Variants in MPRIP observed in about 807,000 individuals in gnomAD.
MPRIP encodes myosin phosphatase Rho interacting protein, also known as myosin phosphatase Rho-interacting protein.
In MPRIP, 59 loss-of-function variants were observed where a neutral mutation model predicts 234.9. The observed-to-expected ratio is 0.25, with a 90% CI of 0.20 to 0.31. MPRIP has a LOEUF of 0.31. Among genes scored for constraint, MPRIP ranks in the 10% least tolerant of loss-of-function variants. The pLI, the probability that MPRIP is intolerant of heterozygous loss-of-function variation, is 1.00. For synonymous variants in MPRIP, 1,144 were observed against 1,263.9 expected, an observed-to-expected ratio of 0.91 and a Z score of 2.01; for missense variants, 2,436 against 3,071.0, an observed-to-expected ratio of 0.79 and a Z score of 4.89.
rs1395508796 is a variant in MPRIP at position 17,043,214 on chromosome 17, G to T, written c.123+243G>T. On this transcript the variant is annotated intron_variant, in intron 1 of 23. Transcript: ENST00000651222. ...CGGCTGTGTGATTCATGCTTTTTGG[G>T]TGACTCAAAAGTGCCTGGTTTCGCT... is the stretch of plus-strand genomic sequence containing the variant. Among the ~76,000 whole-genome samples, 3 of 152,160 alleles carry T rather than the reference G, an allele frequency of 2.0e-5. No homozygotes were observed. The East Asian group carries it at 5.8e-4, about 29-fold the overall frequency.
At position 17,158,970 on chromosome 17, in the gene MPRIP, A is replaced by C; in HGVS notation, c.2368A>C (p.Thr790Pro). ...TGAAGATGGGGGTGACCGGCTCTCCACACACGAGCTGACCTCTCTGCTCGA... is the reference window on the plus strand; with the variant it reads ...TGAAGATGGGGGTGACCGGCTCTCCCCACACGAGCTGACCTCTCTGCTCGA... Reference protein sequence around the residue: ...SSEDGGDRLSTHELTSLLEKE... With the variant: ...SSEDGGDRLSPHELTSLLEKE... The change falls in exon 14 of 24, where the codon ACA (threonine) becomes CCA (proline). Residue 790 changes from threonine to proline, a missense_variant. Transcript: ENST00000651222. 6.2e-7 allele frequency: 1 copy of C among 1,612,784 alleles called. No individual in the cohort carries two copies.
At chr17:17,126,994 A>G in intron 4 of MPRIP, 141 bp downstream of exon 4, 3 of 1,073,352 alleles carry the variant, frequency 2.8e-6, no homozygotes, top group Non-Finnish European at 4.0e-6. Context: ...TCTGTTCTCA[A>G]CACCGCTGTG....
At chr17:17,172,422 AT>A (rs2046159149) in intron 17 of MPRIP, among the ~76,000 whole-genome samples, 1 of 152,216 alleles carries the variant, frequency 6.6e-6, no homozygotes. Flanking sequence ...TAACAATGAC[AT>A]TTATTTAATC....
At chr17:17,132,164 G>T (rs2090610166) in intron 5 of MPRIP, among the ~76,000 whole-genome samples, 1 of 152,156 alleles carries the variant, frequency 6.6e-6, no homozygotes, top group Non-Finnish European at 1.5e-5. Context: ...ACCTGAGCAG[G>T]GCGTGGCTGA....
intron 5 of MPRIP, among the ~76,000 whole-genome samples, chr17:17,135,911 G>A (rs1449697751): frequency 1.3e-5 from 2 of 152,234 alleles, no homozygotes; most frequent in Non-Finnish European, 2.9e-5. Context: ...GCCCAGACTT[G>A]GGCGCTGTGA....
At chr17:17,108,350 C>T (rs1236479875) in intron 3 of MPRIP, among the ~76,000 whole-genome samples, 1 of 152,218 alleles carries the variant, frequency 6.6e-6, no homozygotes, top group Non-Finnish European at 1.5e-5. Flanking sequence ...CAGCCTGGGA[C>T]AGACAGCCAT....
Position 17,165,970 on chromosome 17 carries a change from G to A in MPRIP, c.4379G>A (p.Gly1460Glu). ...ERQERARRVE[G>E]HVGELGDFQV... The stretch of plus-strand genomic sequence containing the variant: ...CAGGAGAGGGCCAGGAGGGTTGAAG[G>A]GCATGTTGGAGAGCTTGGGGACTTC... Residue 1460 changes from glycine (G) to glutamate (E), a missense_variant, in exon 16 of 24, where the codon GGG becomes GAG. Physicochemically the swap from Gly to Glu is moderately conservative, Grantham distance 98 (BLOSUM62 -2). Coordinates refer to ENST00000651222, the MANE Select transcript of MPRIP (RefSeq NM_001364716.4). 1 of 1,304,334 alleles carries A rather than the reference G, an allele frequency of 7.7e-7. No individual in the cohort carries two copies. Among genetic ancestry groups the A allele is most frequent in the African/African-American group, 1.5e-5 (1 of 65,996 alleles). The allele number at this position is 1,304,334 out of a possible 1,614,324, so 80.8% of individuals were successfully genotyped here. A position where few individuals can be genotyped will look rare whatever the true frequency, so the allele number is the denominator to read the frequency against.
chr17:17,102,731 C>T (rs890971939), intron 3 of MPRIP, among the ~76,000 whole-genome samples: 3 of 152,196 alleles, frequency 2.0e-5, no homozygotes, highest in Admixed American at 2.0e-4. Flanking sequence ...GGCAGCACAC[C>T]CACCCTCCCT....
chr17:17,191,372 CTG>C lies in MPRIP; in HGVS notation c.*6481_*6482del, dbSNP rs2046583009. ...TCAAGACCACTCACTGGGCAGGGCT[CTG>C]TGGAGCACTGGAGCTGTTTGGATTC... On this transcript the variant is annotated 3_prime_UTR_variant, in exon 24 of 24. Coordinates refer to ENST00000651222, the MANE Select transcript of MPRIP (RefSeq NM_001364716.4). 6.6e-6 allele frequency: 1 copy of C among 152,266 alleles called. No individual in the cohort carries two copies. Among genetic ancestry groups the C allele is most frequent in the Non-Finnish European group, 1.5e-5 (1 of 68,056 alleles). 9.4% of individuals were successfully genotyped at this position (152,266 alleles called of 1,614,324 possible).
In MPRIP at chr17:17,078,202, G is replaced by A. The variant is rs1248693205; in HGVS notation, c.267+126G>A. On this transcript the variant is annotated intron_variant, in intron 3 of 23. Coordinates refer to ENST00000651222, the MANE Select transcript of MPRIP (RefSeq NM_001364716.4). This position sits in a 1 kb window ranked among gnomAD's most constrained non-coding sequence, Gnocchi z 4.3. ...CCTGCTTGTGTCTGTTTGGGAGTGT[G>A]GAATGTTTTGAAGAACTTGTGGCAC... 3.7e-5 allele frequency: 38 copies of A among 1,031,066 alleles called. No individual in the cohort carries two copies. The East Asian group carries it at 8.1e-4, about 22-fold the overall frequency. The allele number at this position is 1,031,066 out of a possible 1,614,324, so 63.9% of individuals were successfully genotyped here.
chr17:17,147,969 C>G (rs2045515100), intron 11 of MPRIP, among the ~76,000 whole-genome samples: 1 of 152,164 alleles, frequency 6.6e-6, no homozygotes, highest in African/African-American at 2.4e-5. Flanking sequence ...TTGCCTTTTC[C>G]CCAGTAGTTT....
At chr17:17,117,044 G>A (rs1279767863) in intron 3 of MPRIP, among the ~76,000 whole-genome samples, 1 of 152,082 alleles carries the variant, frequency 6.6e-6, no homozygotes, top group Non-Finnish European at 1.5e-5. Context: ...GAAGACGGTG[G>A]CCCATGATGC....
intron 3 of MPRIP, among the ~76,000 whole-genome samples, chr17:17,088,435 C>G (rs1188828137): frequency 6.6e-6 from 1 of 152,166 alleles, no homozygotes; most frequent in African/African-American, 2.4e-5. Flanking sequence ...GGTTAGGAAA[C>G]TAATTAAGTA....
intron 1 of MPRIP, among the ~76,000 whole-genome samples, chr17:17,050,977 CAGA>C (rs1293185592): frequency 6.6e-6 from 1 of 152,268 alleles, no homozygotes; most frequent in Non-Finnish European, 1.5e-5. Flanking sequence ...CCTTGCCACA[CAGA>C]AGGACTATAG....
At chr17:17,059,412 A>G (rs1157148785) in intron 1 of MPRIP, among the ~76,000 whole-genome samples, 1 of 152,220 alleles carries the variant, frequency 6.6e-6, no homozygotes, top group Non-Finnish European at 1.5e-5. Context: ...TTTGCAGACC[A>G]CTGGTCGAGC....
chr17:17,158,146 A>G (rs1338806649), intron 13 of MPRIP, among the ~76,000 whole-genome samples: 1 of 152,022 alleles, frequency 6.6e-6, no homozygotes, highest in South Asian at 2.1e-4. Context: ...GGACCCCCCC[A>G]GTGTCATTAT....
At chr17:17,043,636 C>T (rs1005272541) in intron 1 of MPRIP, among the ~76,000 whole-genome samples, 4 of 152,232 alleles carry the variant, frequency 2.6e-5, no homozygotes, top group African/African-American at 9.6e-5. Flanking sequence ...GACTCCCAAA[C>T]GTGCATTAGA....
intron 5 of MPRIP, among the ~76,000 whole-genome samples, chr17:17,132,270 T>C (rs2090612458): frequency 6.6e-6 from 1 of 152,180 alleles, no homozygotes; most frequent in Non-Finnish European, 1.5e-5. Context: ...AGAAGGGTCC[T>C]ACACCGCCTT....
chr17:17,122,798 C>T (rs1046299721), intron 3 of MPRIP, among the ~76,000 whole-genome samples: 3 of 152,192 alleles, frequency 2.0e-5, no homozygotes, highest in South Asian at 4.1e-4. Context: ...ATGGCACAGC[C>T]ACTTTGGGAA....
Sources: allele counts gnomAD v4.1 joint callset (sites outside exome capture counted in the v4.1 genomes callset), GRCh38; gene constraint gnomAD v4.1.1; non-coding constraint Gnocchi (gnomAD v3.1); transcripts MANE v1.5; gene names NCBI Gene and HGNC (gene_info 2026-07-23, HGNC 2026-07-21).